NUP188: variants seen among roughly 807,000 people sequenced by gnomAD.
NUP188 encodes nucleoporin 188.
In NUP188, 97 loss-of-function variants were observed where a neutral mutation model predicts 223.0. The observed-to-expected ratio is 0.43, with a 90% CI of 0.37 to 0.51. The LOEUF (loss-of-function observed/expected upper bound fraction) is 0.51. Among genes scored for constraint, NUP188 ranks in the 20% least tolerant of loss-of-function variants. The probability of loss-of-function intolerance (pLI) is 0.00; values close to 1 mark genes in which losing one functional copy is unlikely to be tolerated. For synonymous variants in NUP188, 869 were observed against 828.0 expected (o/e 1.05, Z -0.85); for missense variants, 1,947 against 2,175.6 (o/e 0.89, Z 2.09).
chr9:129,001,694 T>A lies in NUP188; in HGVS notation c.4009T>A (p.Leu1337Met). Residue 1337 changes from leucine to methionine, a missense_variant, in exon 35 of 44, where the codon TTG (leucine) becomes ATG (methionine). Physicochemically the swap from Leu to Met is conservative, Grantham distance 15 (BLOSUM62 2). Transcript: ENST00000372577. ...GAACCTGCATTTCACTGAGGCCACA[T>A]TGCATCTGCTCCTCACCCTGGCTCG... The part of the protein sequence containing the change: ...KQNLHFTEAT[L>M]HLLLTLARTQ... 8.1e-6 allele frequency: 13 copies of A among 1,613,972 alleles called. No individual in the cohort carries two copies. Among genetic ancestry groups the A allele is most frequent in the Non-Finnish European group, 1.1e-5 (13 of 1,179,960 alleles).
chr9:128,998,669 G>C (rs1842575440), intron 32 of NUP188, 46 bp downstream of exon 32: 2 of 1,458,852 alleles, frequency 1.4e-6, no homozygotes, highest in Non-Finnish European at 1.9e-6. Context: ...GAGCCTTCTT[G>C]TCAGTGCCTG....
intron 6 of NUP188, among the ~76,000 whole-genome samples, chr9:128,958,260 A>G (rs1841898944): frequency 6.6e-6 from 1 of 152,218 alleles, no homozygotes; most frequent in East Asian, 1.9e-4. Flanking sequence ...TTCTTCAGCT[A>G]CTGGTGGTGA....
intron 11 of NUP188, among the ~76,000 whole-genome samples, chr9:128,972,173 C>T (rs188108609): frequency 6.0e-4 from 92 of 152,246 alleles, no homozygotes; most frequent in Admixed American, 9.8e-4. Context: ...CAGCTTTATT[C>T]GTAATTACTA....
intron 34 of NUP188, among the ~76,000 whole-genome samples, chr9:129,001,264 G>A (rs546584070): frequency 1.8e-3 from 268 of 150,692 alleles, no homozygotes; most frequent in Non-Finnish European, 2.9e-3. Context: ...GGTGGTGGCA[G>A]TGTGGGAGGT....
chr9:128,977,986 A>G (rs1468447164), intron 12 of NUP188, among the ~76,000 whole-genome samples: 1 of 152,152 alleles, frequency 6.6e-6, no homozygotes, highest in Admixed American at 6.6e-5. Context: ...CATTTTACAG[A>G]TAAAGCATTT....
At chr9:128,990,021 C>A (rs1842392244) in intron 24 of NUP188, 99 bp from the exon 25 acceptor site, 1 of 906,836 alleles carries the variant, frequency 1.1e-6, no homozygotes. Context: ...AGGGTAAATT[C>A]CTTCACATAC....
intron 27 of NUP188, among the ~76,000 whole-genome samples, 175 bp downstream of exon 27, chr9:128,993,869 G>A (rs758317198): frequency 5.9e-5 from 9 of 152,152 alleles, no homozygotes; most frequent in Non-Finnish European, 1.2e-4. Flanking sequence ...CAAGTATTAA[G>A]GATCTTTAAA....
rs1426068723 is a variant in NUP188, at chr9:128,968,711, G to A, written c.791G>A (p.Arg264Gln). The change falls in exon 9 of 44, where the codon CGG (arginine) becomes CAG (glutamine). Residue 264 changes from arginine (R) to glutamine (Q), a missense_variant. Physicochemically the swap from Arg to Gln is conservative, Grantham distance 43 (BLOSUM62 1). Coordinates refer to ENST00000372577, the MANE Select transcript of NUP188 (RefSeq NM_015354.3). ...GAGACTATGGATCCTTTTGTAGATCGGATTGGGTAAGTCAGTGAATTGAAC... is the reference window on the plus strand; with the variant it reads ...GAGACTATGGATCCTTTTGTAGATCAGATTGGGTAAGTCAGTGAATTGAAC... ...VDETMDPFVD[R>Q]IGYFSALILV... The A allele has an allele frequency of 1.9e-6, 3 of 1,612,268 alleles. No homozygotes were observed. The highest frequency in any genetic ancestry group is 1.1e-5 in the South Asian group (1 of 91,026).
At chr9:128,949,123 A>G (rs925461150) in intron 1 of NUP188, 66 bp from the exon 2 acceptor site, 29 of 1,171,964 alleles carry the variant, frequency 2.5e-5, no homozygotes, top group South Asian at 1.4e-4. Flanking sequence ...CAAAATGGCT[A>G]TGAGGCAGTG....
Position 128,960,404 on chromosome 9 carries a change from A to G in NUP188, c.585+1270A>G, listed in dbSNP as rs772083703. Among the ~76,000 whole-genome samples, 4 of 151,964 alleles carry G rather than the reference A, an allele frequency of 2.6e-5. No homozygotes were observed. The East Asian group carries it at 7.7e-4, about 29-fold the overall frequency. On this transcript the variant is annotated intron_variant, in intron 8 of 43. Transcript: ENST00000372577. ...CTAATTTCTAAACCAATTTGCATCT[A>G]TCGATTATAGCATGACCTTGTTTGT... is the stretch of plus-strand genomic sequence containing the variant.
chr9:128,957,340 TA>T (rs1170092692), intron 5 of NUP188, among the ~76,000 whole-genome samples: 1 of 152,158 alleles, frequency 6.6e-6, no homozygotes, highest in East Asian at 1.9e-4. Context: ...CCTATCTCTT[TA>T]AAAAGTAAAG....
Position 129,005,285 on chromosome 9 carries a change from T to C in NUP188, c.4510-18T>C. The stretch of plus-strand genomic sequence containing the variant: ...GCTAGCTTCCCAAGCTCCACCTTCA[T>C]TTCTTGACTCTCCTTAGAACAAAAA... On this transcript the variant is annotated intron_variant, in intron 39 of 43. Transcript: ENST00000372577. 6.2e-7 allele frequency: 1 copy of C among 1,613,504 alleles called. No homozygotes were observed. Among genetic ancestry groups the C allele is most frequent in the Non-Finnish European group, 8.5e-7 (1 of 1,179,412 alleles).
At chr9:128,964,985 C>T (rs1290149798) in intron 8 of NUP188, among the ~76,000 whole-genome samples, 1 of 152,144 alleles carries the variant, frequency 6.6e-6, no homozygotes, top group Non-Finnish European at 1.5e-5. Flanking sequence ...GGATTACAGG[C>T]ATGAGCCTCC....
chr9:128,994,797 A>G, intron 28 of NUP188, 59 bp from the exon 29 acceptor site: 1 of 1,370,082 alleles, frequency 7.3e-7, no homozygotes, highest in Non-Finnish European at 1.0e-6. Context: ...CCTGTTTGAT[A>G]TACTGGGGGA....
intron 17 of NUP188, 46 bp downstream of exon 17, chr9:128,983,074 G>A: frequency 6.2e-7 from 1 of 1,607,510 alleles, no homozygotes; most frequent in Non-Finnish European, 8.5e-7. Flanking sequence ...AGAGATCTCA[G>A]CACTTGTGCC....
chr9:128,988,999 C>T (rs1199477947), intron 24 of NUP188, among the ~76,000 whole-genome samples: 1 of 152,026 alleles, frequency 6.6e-6, no homozygotes, highest in Non-Finnish European at 1.5e-5. Context: ...AGGTGACTTG[C>T]CCTCTTTGGC....
In NUP188 at chr9:129,006,366, T is replaced by G; in HGVS notation, c.5071T>G (p.Leu1691Val). The G allele has an allele frequency of 6.2e-7, 1 of 1,613,542 alleles. No individual in the cohort carries two copies. The highest frequency in any genetic ancestry group is 8.5e-7 in the Non-Finnish European group (1 of 1,179,820). Residue 1691 changes from leucine (L) to valine (V), a missense_variant and splice_region_variant, in exon 43 of 44, where the codon TTG becomes GTG. Leu to Val is a conservative substitution (Grantham distance 32, BLOSUM62 1). Around this residue, in one of 3 missense-constraint regions of NUP188, gnomAD observed 905 missense variants for 990.6 expected, o/e 0.91. Transcript: ENST00000372577. ...QRMKQELSSE[L>V]STLLSSLSRY... is the part of the protein sequence containing the mutation. ...GATGAAGCAGGAGCTCAGCTCTGAG[T>G]TGGTACGGATGGATAGGGATACGGA...
chr9:128,988,326 G>C, intron 24 of NUP188, 140 bp downstream of exon 24: 2 of 912,384 alleles, frequency 2.2e-6, no homozygotes, highest in Non-Finnish European at 3.4e-6. Flanking sequence ...ATGATTACCA[G>C]CTCCTTTCCT....
Position 129,006,618 on chromosome 9 carries a change from T to C in NUP188, c.5190T>C (p.Pro1730=). ...CCACCTCTCTCTCCAAAGCCAGCCC[T>C]GAGAGTCAGGAGCCTCTGATCCAGT... ...GKSTSLSKAS[P]ESQEPLIQLV... The change falls in exon 44 of 44, where the codon CCT becomes CCC. Residue 1730 remains proline (P), a synonymous_variant. Coordinates refer to ENST00000372577, the MANE Select transcript of NUP188 (RefSeq NM_015354.3). 1 of 1,614,176 alleles carries C rather than the reference T, an allele frequency of 6.2e-7. No homozygotes were observed. The highest frequency in any genetic ancestry group is 8.5e-7 in the Non-Finnish European group (1 of 1,180,022).
Sources: allele counts gnomAD v4.1 joint callset (sites outside exome capture counted in the v4.1 genomes callset), GRCh38; gene constraint gnomAD v4.1.1; regional missense constraint gnomAD v4.1.1; transcripts MANE v1.5; gene names NCBI Gene and HGNC (gene_info 2026-07-23, HGNC 2026-07-21).